The following XRCC6 variants were observed in gnomAD, a reference collection of about 807,000 sequenced individuals.
The protein encoded by XRCC6 is X-ray repair cross complementing 6, also known as DNA repair protein Ku70.
Under a neutral mutation model 65.7 loss-of-function variants are expected in XRCC6, and 5 were observed. The observed-to-expected ratio is 0.08, with a 90% CI of 0.04 to 0.16. XRCC6 has a LOEUF of 0.16. Ranked by LOEUF, XRCC6 falls within the 10% of genes least tolerant of loss-of-function variation. The probability of loss-of-function intolerance (pLI) is 1.00; values close to 1 mark genes in which losing one functional copy is unlikely to be tolerated. For missense variants in XRCC6, 447 were observed against 738.1 expected, an observed-to-expected ratio of 0.61 and a Z score of 4.57; for synonymous variants, 270 against 270.6, an observed-to-expected ratio of 1.00 and a Z score of 0.02.
intron 2 of XRCC6, among the ~76,000 whole-genome samples, chr22:41,625,872 T>A (rs1323045048): frequency 6.6e-6 from 1 of 152,182 alleles, no homozygotes; most frequent in Non-Finnish European, 1.5e-5. Flanking sequence ...TGAGATGGAA[T>A]CTCTGTCGCC....
chr22:41,652,076 G>A (rs2068005251), intron 8 of XRCC6, among the ~76,000 whole-genome samples: 2 of 152,108 alleles, frequency 1.3e-5, no homozygotes, highest in South Asian at 2.1e-4. Context: ...GAGCCACCAC[G>A]TCCAGCCTGG....
chr22:41,663,823 C>T lies in XRCC6; in HGVS notation c.*8C>T. ...AAGCACTTCCAGGACTGACCAGAGG[C>T]CGCGCGTCCAGCTGCCCTTCCGCAG... On this transcript the variant is annotated 3_prime_UTR_variant, in exon 13 of 13. Transcript: ENST00000360079. The T allele has an allele frequency of 1.2e-6, 2 of 1,607,226 alleles. No homozygotes were observed. Among genetic ancestry groups the T allele is most frequent in the Non-Finnish European group, 1.7e-6 (2 of 1,175,392 alleles).
At chr22:41,621,916 C>A in intron 1 of XRCC6, 74 bp from the exon 2 acceptor site, 1 of 1,428,028 alleles carries the variant, frequency 7.0e-7, no homozygotes, top group Non-Finnish European at 9.8e-7. Context: ...TAGAACAGAT[C>A]TCACAAGAAC....
intron 2 of XRCC6, among the ~76,000 whole-genome samples, chr22:41,623,546 C>A (rs1421295879): frequency 6.6e-6 from 1 of 151,916 alleles, no homozygotes; most frequent in Non-Finnish European, 1.5e-5. Context: ...CACCACCACG[C>A]CCGGCCAGTT....
Position 41,644,412 on chromosome 22 carries a change from TTC to T in XRCC6, c.774-2482_774-2481del, listed in dbSNP as rs547841359. On this transcript the variant is annotated intron_variant, in intron 6 of 12. Transcript: ENST00000360079. Reference sequence around the variant, plus strand: ...AATGTGTATCATGGGTTATTTTACGTTCTTTTTTTCCCCCATAATATAAGAAT... The same window carrying T: ...AATGTGTATCATGGGTTATTTTACGTTTTTTTTCCCCCATAATATAAGAAT... Among the ~76,000 whole-genome samples, 413 of 152,124 alleles carry T rather than the reference TTC, an allele frequency of 2.7e-3. 3 individuals are homozygous for T. The highest frequency in any genetic ancestry group is 9.6e-3 in the African/African-American group (397 of 41,416).
chr22:41,658,317 A>G lies in XRCC6; in HGVS notation c.1487A>G (p.Asp496Gly). Residue 496 changes from aspartate to glycine, a missense_variant, in exon 11 of 13, where the codon GAT (aspartate) becomes GGT (glycine). Coordinates refer to ENST00000360079, the MANE Select transcript of XRCC6 (RefSeq NM_001469.5). ...HFRNLEALAL[D>G]LMEPEQAVDL... ...AGGAACCTGGAGGCCTTGGCCTTGG[A>G]TTTGATGGAGCCGGAACAAGCAGTG... is the stretch of plus-strand genomic sequence containing the variant. 1 of 1,614,056 alleles carries G rather than the reference A, an allele frequency of 6.2e-7. No individual in the cohort carries two copies. The highest frequency in any genetic ancestry group is 8.5e-7 in the Non-Finnish European group (1 of 1,180,022).
At chr22:41,660,000 A>G (rs1253791360) in intron 11 of XRCC6, among the ~76,000 whole-genome samples, 1 of 152,090 alleles carries the variant, frequency 6.6e-6, no homozygotes, top group Non-Finnish European at 1.5e-5. Flanking sequence ...TGTACTTTTA[A>G]AACTCTACAG....
intron 6 of XRCC6, among the ~76,000 whole-genome samples, chr22:41,645,260 T>A (rs2067919262): frequency 1.3e-5 from 2 of 150,658 alleles, no homozygotes; most frequent in Non-Finnish European, 3.0e-5. Context: ...GATCGTGCCA[T>A]TGCACTCCAG....
In XRCC6 at chr22:41,656,431, C is replaced by T. The variant is rs1601555360; in HGVS notation, c.1292-472C>T. ...ATTCAGGAGGCTGAGGCAGGAGAAC[C>T]GCTTGAACCTGGGAGGCGGAGGTTG... On this transcript the variant is annotated intron_variant, in intron 9 of 12. Transcript: ENST00000360079. Among the ~76,000 whole-genome samples the T allele has an allele frequency of 2.0e-5, 3 of 151,496 alleles. No homozygotes were observed. The South Asian group carries it at 6.3e-4, about 32-fold the overall frequency.
At chr22:41,624,764 G>T (rs752319254) in intron 2 of XRCC6, among the ~76,000 whole-genome samples, 3 of 151,236 alleles carry the variant, frequency 2.0e-5, no homozygotes, top group Non-Finnish European at 4.4e-5. Context: ...TTGAGAGGCC[G>T]AGGCGGGTGG....
chr22:41,637,528 G>A (rs573137041), intron 5 of XRCC6, 80 bp from the exon 6 acceptor site: 20 of 1,282,342 alleles, frequency 1.6e-5, no homozygotes, highest in Middle Eastern at 2.8e-4. Flanking sequence ...TTAAAAGCAT[G>A]TTTCAGTTTT....
At chr22:41,623,246 TC>T in intron 2 of XRCC6, among the ~76,000 whole-genome samples, 1 of 152,036 alleles carries the variant, frequency 6.6e-6, no homozygotes, top group African/African-American at 2.4e-5. Flanking sequence ...CCCAATAATT[TC>T]TTAATTTTTT....
chr22:41,629,794 A>C (rs1299587507), intron 3 of XRCC6, among the ~76,000 whole-genome samples: 1 of 151,148 alleles, frequency 6.6e-6, no homozygotes, highest in African/African-American at 2.4e-5. Flanking sequence ...CTTAGCCTCC[A>C]GAGTAGCTGG....
At chr22:41,627,184 G>A (rs927029955) in intron 2 of XRCC6, among the ~76,000 whole-genome samples, 4 of 152,136 alleles carry the variant, frequency 2.6e-5, no homozygotes, top group Non-Finnish European at 5.9e-5. Context: ...AAAAAGAGAG[G>A]GTATCTGTAG....
intron 8 of XRCC6, among the ~76,000 whole-genome samples, chr22:41,653,029 A>C (rs1181203145): frequency 6.6e-6 from 1 of 151,864 alleles, no homozygotes; most frequent in East Asian, 1.9e-4. Flanking sequence ...TTCCTTTTTA[A>C]ATTTTCCTTT....
intron 2 of XRCC6, among the ~76,000 whole-genome samples, chr22:41,625,300 T>G (rs1187104206): frequency 6.6e-6 from 1 of 152,192 alleles, no homozygotes; most frequent in Non-Finnish European, 1.5e-5. Context: ...CATTGCCATT[T>G]TGTTCTCCAG....
At chr22:41,631,705 T>A (rs1316455179) in intron 3 of XRCC6, among the ~76,000 whole-genome samples, 1 of 151,060 alleles carries the variant, frequency 6.6e-6, no homozygotes, top group Non-Finnish European at 1.5e-5. Flanking sequence ...GCAGAGACAC[T>A]CCTCACTTCC....
At chr22:41,660,655 C>T (rs902380287) in intron 11 of XRCC6, among the ~76,000 whole-genome samples, 7 of 152,152 alleles carry the variant, frequency 4.6e-5, no homozygotes, top group Non-Finnish European at 7.4e-5. Flanking sequence ...ATGTCACCTG[C>T]TATTTCTCTC....
intron 11 of XRCC6, among the ~76,000 whole-genome samples, chr22:41,660,338 A>T (rs1487754952): frequency 6.6e-6 from 1 of 152,128 alleles, no homozygotes; most frequent in East Asian, 1.9e-4. Context: ...TCATCTCCCC[A>T]TCCCACTCCT....
Sources: allele counts gnomAD v4.1 joint callset (sites outside exome capture counted in the v4.1 genomes callset), GRCh38; gene constraint gnomAD v4.1.1; transcripts MANE v1.5; gene names NCBI Gene and HGNC (gene_info 2026-07-23, HGNC 2026-07-21).